The following UBE2E1 variants were observed in gnomAD, a reference collection of about 807,000 sequenced individuals.
UBE2E1 encodes the protein ubiquitin-conjugating enzyme E2 E1.
Under a neutral mutation model 21.4 loss-of-function variants are expected in UBE2E1, and 6 were observed. The observed-to-expected ratio is 0.28, with a 90% CI of 0.15 to 0.55. UBE2E1 has a LOEUF of 0.55. Among genes scored for constraint, UBE2E1 ranks in the 20% least tolerant of loss-of-function variants. The probability of loss-of-function intolerance (pLI) is 0.93; values close to 1 mark genes in which losing one functional copy is unlikely to be tolerated. For synonymous variants in UBE2E1, 87 were observed against 82.7 expected (o/e 1.05, Z -0.28); for missense variants, 142 against 236.5 (o/e 0.60, Z 2.62).
intron 2 of UBE2E1, among the ~76,000 whole-genome samples, chr3:23,809,509 G>C (rs868409624): frequency 6.6e-6 from 1 of 152,240 alleles, no homozygotes; most frequent in African/African-American, 2.4e-5. Flanking sequence ...ATTGCAAGTG[G>C]TCTGAACAAG....
In UBE2E1 at chr3:23,853,160, T is replaced by A. The variant is rs1700362920; in HGVS notation, c.204-34407T>A. 6.6e-6 allele frequency among the ~76,000 whole-genome samples: 1 copy of A among 152,252 alleles called. No homozygotes were observed. Among genetic ancestry groups the A allele is most frequent in the South Asian group, 2.1e-4 (1 of 4,838 alleles). ...TGCCCACCTTGGCCTCCCAGAGTGC[T>A]GGGATTACAGGCGTGAGCCACCGCG... is the stretch of plus-strand genomic sequence containing the variant. On this transcript the variant is annotated intron_variant, in intron 3 of 5. Transcript: ENST00000306627. This position sits in a 1 kb window ranked among gnomAD's most constrained non-coding sequence, Gnocchi z 4.1.
In UBE2E1 at chr3:23,842,483, A is replaced by G. The variant is rs1700117918; in HGVS notation, c.203+30973A>G. 6.6e-6 allele frequency among the ~76,000 whole-genome samples: 1 copy of G among 152,128 alleles called. No homozygotes were observed. The highest frequency in any genetic ancestry group is 2.1e-4 in the South Asian group (1 of 4,830). ...CCTGTTGTTCGTTTTTCTTTGAAGA[A>G]TATACCTTTTTATTTTATTATCATT... On this transcript the variant is annotated intron_variant, in intron 3 of 5. Coordinates refer to ENST00000306627, the MANE Select transcript of UBE2E1 (RefSeq NM_003341.5). The surrounding 1 kb of genome is among the most constrained non-coding windows in gnomAD (Gnocchi z 4.6).
At chr3:23,813,276 A>G (rs1178252893) in intron 3 of UBE2E1, among the ~76,000 whole-genome samples, 1 of 152,222 alleles carries the variant, frequency 6.6e-6, no homozygotes, top group Non-Finnish European at 1.5e-5. Flanking sequence ...TCATTTTGCA[A>G]GAGAATGTAT....
At chr3:23,822,313 A>C (rs1467333677) in intron 3 of UBE2E1, among the ~76,000 whole-genome samples, 1 of 152,230 alleles carries the variant, frequency 6.6e-6, no homozygotes, top group African/African-American at 2.4e-5. Flanking sequence ...TACTCTTCCT[A>C]GTTAAAATAT....
intron 3 of UBE2E1, among the ~76,000 whole-genome samples, chr3:23,861,172 C>T (rs1700546433): frequency 6.6e-6 from 1 of 152,292 alleles, no homozygotes; most frequent in South Asian, 2.1e-4. Context: ...TTATTGATAA[C>T]TCTTTAGTAT....
intron 3 of UBE2E1, among the ~76,000 whole-genome samples, chr3:23,864,058 A>G (rs1700605476): frequency 6.6e-6 from 1 of 152,160 alleles, no homozygotes; most frequent in Admixed American, 6.5e-5. Context: ...CTGAAAAAGG[A>G]TTCTTGGGAG....
chr3:23,886,680 G>A (rs1013716297), intron 3 of UBE2E1, among the ~76,000 whole-genome samples: 1 of 152,164 alleles, frequency 6.6e-6, no homozygotes, highest in African/African-American at 2.4e-5. Context: ...GAAGGCATCA[G>A]ACTTTGTAAC....
Position 23,810,428 on chromosome 3 carries a change from A to T in UBE2E1, c.153-1032A>T, listed in dbSNP as rs778977401. The T allele has an allele frequency of 2.2e-5, 34 of 1,534,968 alleles. No individual in the cohort carries two copies. Among genetic ancestry groups the T allele is most frequent in the Admixed American group, 3.9e-5 (2 of 50,942 alleles). On this transcript the variant is annotated intron_variant, in intron 2 of 5. Coordinates refer to ENST00000306627, the MANE Select transcript of UBE2E1 (RefSeq NM_003341.5). This position sits in a 1 kb window ranked among gnomAD's most constrained non-coding sequence, Gnocchi z 5.8. ...AGTCGAGGGTTGGTGCGGAGGGAGA[A>T]AACTGCAGGTCTCCAGTCTATCCCC...
chr3:23,885,886 A>G (rs912248421), intron 3 of UBE2E1, among the ~76,000 whole-genome samples: 3 of 151,218 alleles, frequency 2.0e-5, no homozygotes, highest in Non-Finnish European at 2.9e-5. Flanking sequence ...AAAACAAAAC[A>G]AACAAAAAAA....
chr3:23,887,897 C>G lies in UBE2E1; in HGVS notation c.336+198C>G, dbSNP rs562350455. On this transcript the variant is annotated intron_variant, in intron 4 of 5. Coordinates refer to ENST00000306627, the MANE Select transcript of UBE2E1 (RefSeq NM_003341.5). This position sits in a 1 kb window ranked among gnomAD's most constrained non-coding sequence, Gnocchi z 4.4. ...GCAGAGACCATTCTAGGATTAAGTG[C>G]TTTGTTTTGATGGTGCTTAAAATTG... The G allele has an allele frequency of 3.0e-6, 2 of 668,320 alleles. No homozygotes were observed. Among genetic ancestry groups the G allele is most frequent in the Non-Finnish European group, 4.8e-6 (2 of 416,454 alleles). 41.4% of individuals were successfully genotyped at this position (668,320 alleles called of 1,614,324 possible). A position where few individuals can be genotyped will look rare whatever the true frequency, so the allele number is the denominator to read the frequency against.
At chr3:23,828,143 A>T (rs1048756080) in intron 3 of UBE2E1, among the ~76,000 whole-genome samples, 6 of 152,110 alleles carry the variant, frequency 3.9e-5, no homozygotes, top group Admixed American at 3.9e-4. Context: ...AAATATGATT[A>T]TTTTTATTTC....
intron 3 of UBE2E1, among the ~76,000 whole-genome samples, chr3:23,840,843 ACAGG>A (rs1700070650): frequency 6.6e-6 from 1 of 152,206 alleles, no homozygotes; most frequent in Non-Finnish European, 1.5e-5. Flanking sequence ...TTCCTGCACC[ACAGG>A]CGATTGTAGG....
At chr3:23,867,359 C>A (rs1429292598) in intron 3 of UBE2E1, among the ~76,000 whole-genome samples, 1 of 152,056 alleles carries the variant, frequency 6.6e-6, no homozygotes, top group Non-Finnish European at 1.5e-5. Flanking sequence ...TCAGAACAAA[C>A]CTGTATGTAA....
chr3:23,857,288 TA>T (rs1700463820), intron 3 of UBE2E1, among the ~76,000 whole-genome samples: 1 of 152,118 alleles, frequency 6.6e-6, no homozygotes. Flanking sequence ...GAACTTTTTG[TA>T]ACCAAGTGTT....
chr3:23,817,294 C>T (rs922966241), intron 3 of UBE2E1, among the ~76,000 whole-genome samples: 10 of 151,980 alleles, frequency 6.6e-5, no homozygotes, highest in East Asian at 5.8e-4. Flanking sequence ...TGGTGACGCG[C>T]GCCCGTAATC....
intron 3 of UBE2E1, among the ~76,000 whole-genome samples, chr3:23,814,513 C>T (rs898173199): frequency 1.3e-5 from 2 of 152,104 alleles, no homozygotes; most frequent in Non-Finnish European, 2.9e-5. Flanking sequence ...TGCATACACA[C>T]ACACACAAAA....
At chr3:23,884,378 T>C (rs1427048568) in intron 3 of UBE2E1, among the ~76,000 whole-genome samples, 1 of 152,224 alleles carries the variant, frequency 6.6e-6, no homozygotes, top group Non-Finnish European at 1.5e-5. Context: ...AAATGCAAAC[T>C]ACCTGCTTAA....
chr3:23,807,102 A>C (rs1178438628), intron 1 of UBE2E1, 135 bp from the exon 2 acceptor site: 6 of 688,776 alleles, frequency 8.7e-6, no homozygotes, highest in Non-Finnish European at 1.4e-5. Context: ...GGGCCTGCAG[A>C]CTTTGAAAAG....
At chr3:23,854,841 A>G (rs985252887) in intron 3 of UBE2E1, among the ~76,000 whole-genome samples, 2 of 152,222 alleles carry the variant, frequency 1.3e-5, no homozygotes, top group African/African-American at 4.8e-5. Context: ...ACTGAGAAGC[A>G]TATCTTTAAA....
Sources: gnomAD v4.1 joint callset for allele counts (sites outside exome capture counted in the v4.1 genomes callset) on GRCh38, gnomAD v4.1.1 for gene constraint, Gnocchi (gnomAD v3.1) non-coding constraint, MANE v1.5 for transcripts, NCBI Gene and HGNC (gene_info 2026-07-23, HGNC 2026-07-21) for gene names.